Variants in CTIF observed in about 807,000 individuals in gnomAD.
The protein encoded by CTIF is cap binding complex dependent translation initiation factor.
In CTIF, 21 loss-of-function variants were observed where a neutral mutation model predicts 66.0. That is an observed-to-expected ratio of 0.32 (90% CI 0.23 to 0.46). CTIF has a LOEUF of 0.46. CTIF is among the 20% of genes least tolerant of loss of function. CTIF has a pLI of 1.00. For missense variants in CTIF, 739 were observed against 812.7 expected (o/e 0.91, Z 1.10); for synonymous variants, 345 against 326.4 (o/e 1.06, Z -0.62).
chr18:48,575,553 G>A (rs2089511904), intron 1 of CTIF, among the ~76,000 whole-genome samples: 1 of 152,228 alleles, frequency 6.6e-6, no homozygotes, highest in Non-Finnish European at 1.5e-5. Flanking sequence ...TGCGGTGTCA[G>A]GACCTCCAAG....
chr18:48,708,070 A>G (rs1294607523), intron 6 of CTIF, among the ~76,000 whole-genome samples: 1 of 152,236 alleles, frequency 6.6e-6, no homozygotes, highest in African/African-American at 2.4e-5. Context: ...TTATGGCCAT[A>G]TAATACTCCA....
chr18:48,658,527 G>A (rs773954070), intron 3 of CTIF, among the ~76,000 whole-genome samples: 8 of 152,054 alleles, frequency 5.3e-5, no homozygotes, highest in Non-Finnish European at 8.8e-5. Context: ...ATGTATGTGT[G>A]TGGTGTGTAC....
chr18:48,597,260 C>T (rs12954687), intron 1 of CTIF, among the ~76,000 whole-genome samples: 78,176 of 152,132 alleles, frequency 0.51, 23,524 homozygotes, highest in East Asian at 0.88. Flanking sequence ...CAGCCTCCAG[C>T]GGGAGACAGA....
intron 9 of CTIF, among the ~76,000 whole-genome samples, chr18:48,782,336 A>C (rs1380481333): frequency 6.6e-6 from 1 of 152,020 alleles, no homozygotes; most frequent in Non-Finnish European, 1.5e-5. Flanking sequence ...CCTGGAGCAT[A>C]AAGTCCCACT....
At chr18:48,549,029 T>C (rs901838173) in intron 1 of CTIF, among the ~76,000 whole-genome samples, 1 of 152,056 alleles carries the variant, frequency 6.6e-6, no homozygotes, top group Non-Finnish European at 1.5e-5. Context: ...GACACAGATA[T>C]AAACTGAGGT....
At chr18:48,703,651 C>T (rs2092113165) in intron 6 of CTIF, among the ~76,000 whole-genome samples, 1 of 152,136 alleles carries the variant, frequency 6.6e-6, no homozygotes, top group African/African-American at 2.4e-5. Flanking sequence ...GAAGATTTTC[C>T]TTGAAGGTTA....
chr18:48,861,971 C>G lies in CTIF; in HGVS notation c.*2412C>G, dbSNP rs2069479479. 6.6e-6 allele frequency: 1 copy of G among 151,818 alleles called. No individual in the cohort carries two copies. The highest frequency in any genetic ancestry group is 1.5e-5 in the Non-Finnish European group (1 of 68,046). 9.4% of individuals were successfully genotyped at this position (151,818 alleles called of 1,614,324 possible). A position where few individuals can be genotyped will look rare whatever the true frequency, so the allele number is the denominator to read the frequency against. On this transcript the variant is annotated 3_prime_UTR_variant, in exon 12 of 12. Coordinates refer to ENST00000256413, the MANE Select transcript of CTIF (RefSeq NM_014772.3). ...TGCTTGAAAGCGCTTCCTAGCCAAT[C>G]TGAACAACAACACTTTAAGCTGTTT...
At chr18:48,831,919 AC>A (rs1354005141) in intron 10 of CTIF, among the ~76,000 whole-genome samples, 1 of 152,224 alleles carries the variant, frequency 6.6e-6, no homozygotes, top group African/African-American at 2.4e-5. Context: ...GCCCAAGACC[AC>A]ATGTGGCCTG....
chr18:48,567,924 A>G (rs955501530), intron 1 of CTIF: 2 of 152,292 alleles, frequency 1.3e-5, no homozygotes, highest in African/African-American at 2.4e-5. Context: ...GGGCAGGTAT[A>G]GCAAGTGATG....
At chr18:48,808,559 G>C (rs1206120822) in intron 9 of CTIF, among the ~76,000 whole-genome samples, 1 of 141,648 alleles carries the variant, frequency 7.1e-6, no homozygotes, top group East Asian at 2.0e-4. Context: ...ATTCCATCTG[G>C]AATTTATTTT....
intron 9 of CTIF, among the ~76,000 whole-genome samples, chr18:48,767,941 C>G (rs1196844591): frequency 1.3e-5 from 2 of 152,092 alleles, no homozygotes; most frequent in Non-Finnish European, 2.9e-5. Flanking sequence ...CTTTCCTTAT[C>G]AGTGAATCTC....
At chr18:48,702,084 A>C (rs746049926) in intron 6 of CTIF, among the ~76,000 whole-genome samples, 25 of 152,244 alleles carry the variant, frequency 1.6e-4, no homozygotes, top group Non-Finnish European at 3.1e-4. Flanking sequence ...GAGAGGGCAG[A>C]ATGGGATATT....
chr18:48,650,845 CAA>C (rs140839601), intron 3 of CTIF, among the ~76,000 whole-genome samples: 1 of 151,164 alleles, frequency 6.6e-6, no homozygotes, highest in Non-Finnish European at 1.5e-5. Flanking sequence ...AAAGAATTTT[CAA>C]AAAAAAAAGA....
intron 1 of CTIF, among the ~76,000 whole-genome samples, chr18:48,618,515 C>G (rs1245786345): frequency 6.6e-6 from 1 of 152,208 alleles, no homozygotes; most frequent in Non-Finnish European, 1.5e-5. Flanking sequence ...CTTTAAATCC[C>G]CTTCCCATCT....
intron 7 of CTIF, among the ~76,000 whole-genome samples, chr18:48,741,275 C>T (rs2092550418): frequency 1.2e-5 from 1 of 85,920 alleles, no homozygotes; most frequent in African/African-American, 4.0e-5. Context: ...CTTTACTCTG[C>T]CCCCGCCCCC....
chr18:48,606,911 C>A (rs2090211932), intron 1 of CTIF, among the ~76,000 whole-genome samples: 1 of 152,144 alleles, frequency 6.6e-6, no homozygotes, highest in South Asian at 2.1e-4. Context: ...ATATGACAAG[C>A]ATTTAGCACA....
chr18:48,684,244 T>A (rs764857913), intron 6 of CTIF, among the ~76,000 whole-genome samples: 28 of 152,294 alleles, frequency 1.8e-4, no homozygotes, highest in Middle Eastern at 3.4e-3. Flanking sequence ...ACTTGAACCA[T>A]CTACTCATTT....
At chr18:48,699,145 G>A (rs60148580) in intron 6 of CTIF, among the ~76,000 whole-genome samples, 2,262 of 151,302 alleles carry the variant, frequency 0.015, 55 homozygotes, top group African/African-American at 0.051. Flanking sequence ...GCCTCCTGGT[G>A]CCCGACGGCC....
At chr18:48,559,495 C>T (rs547859855) in intron 1 of CTIF, among the ~76,000 whole-genome samples, 1 of 152,270 alleles carries the variant, frequency 6.6e-6, no homozygotes, top group South Asian at 2.1e-4. Context: ...TGTGAAAAAC[C>T]ACCCCAAAAC....
Sources: allele counts gnomAD v4.1 joint callset (sites outside exome capture counted in the v4.1 genomes callset), GRCh38; gene constraint gnomAD v4.1.1; transcripts MANE v1.5; gene names NCBI Gene and HGNC (gene_info 2026-07-23, HGNC 2026-07-21).